The following CNTNAP4 variants were observed in gnomAD, a reference collection of about 807,000 sequenced individuals.
CNTNAP4 encodes the protein contactin associated protein family member 4, also known as contactin-associated protein-like 4.
Under a neutral mutation model 148.4 loss-of-function variants are expected in CNTNAP4, and 98 were observed. The ratio of observed to expected loss-of-function variants is 0.66; its 90% confidence interval spans 0.56 to 0.78. The LOEUF is 0.78. Ranked by LOEUF, CNTNAP4 falls within the 30% of genes least tolerant of loss-of-function variation. The pLI is 0.00. For missense variants in CNTNAP4, 1,935 were observed against 1,565.6 expected, an observed-to-expected ratio of 1.24 and a Z score of -3.98; for synonymous variants, 730 against 565.1, an observed-to-expected ratio of 1.29 and a Z score of -4.14.
intron 2 of CNTNAP4, among the ~76,000 whole-genome samples, chr16:76,349,266 C>T (rs1965174840): frequency 6.6e-6 from 1 of 152,092 alleles, no homozygotes; most frequent in Admixed American, 6.6e-5. Flanking sequence ...AGAGTCTGTT[C>T]TCCAAATGTC....
chr16:76,308,425 A>C (rs993899314), intron 1 of CNTNAP4, among the ~76,000 whole-genome samples: 1 of 152,156 alleles, frequency 6.6e-6, no homozygotes, highest in Non-Finnish European at 1.5e-5. Flanking sequence ...AGTTTTCCCT[A>C]AACTTATTCT....
At chr16:76,433,392 G>A (rs2079686999) in intron 4 of CNTNAP4, among the ~76,000 whole-genome samples, 2 of 151,826 alleles carry the variant, frequency 1.3e-5, no homozygotes, top group Non-Finnish European at 2.9e-5. Flanking sequence ...AGAAAATTAT[G>A]GATCATATTT....
At chr16:76,389,154 A>G (rs1346057093) in intron 3 of CNTNAP4, among the ~76,000 whole-genome samples, 6 of 152,208 alleles carry the variant, frequency 3.9e-5, no homozygotes, top group Non-Finnish European at 7.3e-5. Context: ...GAGAAACTCA[A>G]ATGTTAGGAA....
chr16:76,311,174 G>T (rs771353595), intron 1 of CNTNAP4, among the ~76,000 whole-genome samples: 1 of 152,000 alleles, frequency 6.6e-6, no homozygotes, highest in Non-Finnish European at 1.5e-5. Flanking sequence ...GCTTTTATTT[G>T]CTTATGAGAA....
At chr16:76,414,414 TGTA>T (rs935479993) in intron 3 of CNTNAP4, among the ~76,000 whole-genome samples, 16 of 151,418 alleles carry the variant, frequency 1.1e-4, no homozygotes, top group African/African-American at 3.4e-4. Flanking sequence ...ATTTTTATAT[TGTA>T]GAATCATTTT....
intron 7 of CNTNAP4, among the ~76,000 whole-genome samples, chr16:76,450,994 G>A (rs2080448065): frequency 6.6e-6 from 1 of 152,186 alleles, no homozygotes; most frequent in African/African-American, 2.4e-5. Flanking sequence ...CAGCCTAGGA[G>A]GGTTGAAGAG....
intron 3 of CNTNAP4, among the ~76,000 whole-genome samples, chr16:76,375,507 C>T (rs1342035230): frequency 1.3e-5 from 2 of 152,138 alleles, no homozygotes; most frequent in Non-Finnish European, 2.9e-5. Context: ...GGTCTTTTGT[C>T]ATGTAGGAAA....
At chr16:76,309,497 GATTA>G (rs1002941331) in intron 1 of CNTNAP4, among the ~76,000 whole-genome samples, 1 of 152,144 alleles carries the variant, frequency 6.6e-6, no homozygotes, top group African/African-American at 2.4e-5. Flanking sequence ...CATCCTATGG[GATTA>G]GTTAGAGGTA....
chr16:76,279,763 A>G (rs992036521), intron 1 of CNTNAP4, among the ~76,000 whole-genome samples: 2 of 152,230 alleles, frequency 1.3e-5, no homozygotes, highest in South Asian at 2.1e-4. Flanking sequence ...TCAGTAATTT[A>G]TTGTGAATAT....
intron 4 of CNTNAP4, among the ~76,000 whole-genome samples, chr16:76,430,278 C>T (rs1597508472): frequency 1.3e-5 from 2 of 152,074 alleles, no homozygotes; most frequent in East Asian, 1.9e-4. Flanking sequence ...TGAATATTGC[C>T]ATTTCATGCA....
chr16:76,386,655 A>G (rs2016540033), intron 3 of CNTNAP4, among the ~76,000 whole-genome samples: 2 of 152,334 alleles, frequency 1.3e-5, no homozygotes, highest in South Asian at 2.1e-4. Context: ...TCATGTCATC[A>G]GTAATATATA....
chr16:76,554,237 A>G (rs545676641), intron 23 of CNTNAP4, among the ~76,000 whole-genome samples: 22 of 152,338 alleles, frequency 1.4e-4, no homozygotes, highest in African/African-American at 5.3e-4. Flanking sequence ...AATATATTTG[A>G]GTAAATTTCG....
chr16:76,400,618 G>A (rs1260829888), intron 3 of CNTNAP4, among the ~76,000 whole-genome samples: 1 of 152,086 alleles, frequency 6.6e-6, no homozygotes, highest in African/African-American at 2.4e-5. Context: ...TTTGCCCATT[G>A]TATGTCCAGG....
intron 14 of CNTNAP4, among the ~76,000 whole-genome samples, chr16:76,497,875 A>C (rs1441015093): frequency 5.9e-5 from 9 of 152,052 alleles, no homozygotes; most frequent in Admixed American, 5.9e-4. Context: ...CATTTCAAAA[A>C]ATAAAAAAGA....
chr16:76,407,713 C>A (rs1389863451), intron 3 of CNTNAP4, among the ~76,000 whole-genome samples: 1 of 152,086 alleles, frequency 6.6e-6, no homozygotes, highest in Non-Finnish European at 1.5e-5. Context: ...GAGATGGAAT[C>A]TACTCCTGGT....
chr16:76,452,467 G>A lies in CNTNAP4; in HGVS notation c.1072-41G>A, dbSNP rs1271254150. 4.4e-6 allele frequency: 7 copies of A among 1,604,110 alleles called. No homozygotes were observed. The African/African-American group carries it at 8.1e-5, about 18-fold the overall frequency. On this transcript the variant is annotated intron_variant, in intron 7 of 23. Transcript: ENST00000611870. Reference sequence around the variant, plus strand: ...TCAAATTCTGTTACTAATGTGATGTGAATAACATTCTGAAAGCTTTTTCTT... The same window carrying A: ...TCAAATTCTGTTACTAATGTGATGTAAATAACATTCTGAAAGCTTTTTCTT...
chr16:76,401,182 T>C (rs2078403975), intron 3 of CNTNAP4, among the ~76,000 whole-genome samples: 1 of 152,174 alleles, frequency 6.6e-6, no homozygotes, highest in African/African-American at 2.4e-5. Context: ...ATGGAATGTT[T>C]TTCCATTTGT....
intron 1 of CNTNAP4, among the ~76,000 whole-genome samples, chr16:76,314,445 G>A (rs887431471): frequency 2.6e-5 from 4 of 152,184 alleles, no homozygotes; most frequent in African/African-American, 9.7e-5. Flanking sequence ...ATACTTGTGT[G>A]TATATGTGTA....
intron 23 of CNTNAP4, among the ~76,000 whole-genome samples, chr16:76,556,503 G>C (rs1019458124): frequency 1.3e-5 from 2 of 152,076 alleles, no homozygotes; most frequent in African/African-American, 2.4e-5. Context: ...GATTTTGACT[G>C]TCTGGATATT....
Sources: gnomAD v4.1 joint callset for allele counts (sites outside exome capture counted in the v4.1 genomes callset) on GRCh38, gnomAD v4.1.1 for gene constraint, MANE v1.5 for transcripts, NCBI Gene and HGNC (gene_info 2026-07-23, HGNC 2026-07-21) for gene names.